The following HTR3B variants were observed in gnomAD, a reference collection of about 807,000 sequenced individuals.
HTR3B encodes the protein 5-hydroxytryptamine (serotonin) receptor 3B, ionotropic.
Under a neutral mutation model 42.8 loss-of-function variants are expected in HTR3B, and 44 were observed. The ratio of observed to expected loss-of-function variants is 1.03; its 90% CI spans 0.81 to 1.32. The LOEUF is 1.32. Among genes scored for constraint, HTR3B ranks in the 40% most tolerant of loss-of-function variants. HTR3B has a pLI of 0.00. For missense variants in HTR3B, 527 were observed against 536.5 expected (o/e 0.98, Z 0.17); for synonymous variants, 203 against 209.0 (o/e 0.97, Z 0.25).
intron 6 of HTR3B, among the ~76,000 whole-genome samples, chr11:113,942,328 G>A (rs942243747): frequency 6.6e-6 from 1 of 152,188 alleles, no homozygotes; most frequent in Non-Finnish European, 1.5e-5. Flanking sequence ...GCCGGGCATG[G>A]TGGCACTCAC....
chr11:113,914,451 C>T (rs912239205), intron 2 of HTR3B, among the ~76,000 whole-genome samples: 26 of 150,184 alleles, frequency 1.7e-4, no homozygotes, highest in African/African-American at 2.9e-4. Flanking sequence ...GCAACAAGAG[C>T]GATACTCCAA....
intron 5 of HTR3B, 73 bp from the exon 6 acceptor site, chr11:113,932,863 G>T: frequency 1.3e-6 from 2 of 1,492,576 alleles, no homozygotes; most frequent in Non-Finnish European, 9.2e-7. Flanking sequence ...GATTCGAATT[G>T]GGAGCTGGAA....
intron 5 of HTR3B, 114 bp from the exon 6 acceptor site, chr11:113,932,822 C>A: frequency 9.8e-7 from 1 of 1,017,824 alleles, no homozygotes; most frequent in South Asian, 1.5e-5. Flanking sequence ...GCCAAGGAGA[C>A]TGTGCCTATG....
chr11:113,914,296 C>T (rs1189432054), intron 2 of HTR3B, among the ~76,000 whole-genome samples: 1 of 151,428 alleles, frequency 6.6e-6, no homozygotes, highest in Non-Finnish European at 1.5e-5. Context: ...GAAACCCCGT[C>T]TCTACTAAAA....
At position 113,947,497 on chromosome 11, in the gene HTR3B, C is replaced by A. The variant is rs563653729; in HGVS notation, c.*1360C>A. On this transcript the variant is annotated 3_prime_UTR_variant, in exon 9 of 9. Transcript: ENST00000260191. ...TTCTCACCAGTCTGGAAGCTAGAAG[C>A]CTAAGATCAAGGTGCAAACAGGGTG... 1.3e-5 allele frequency among the ~76,000 whole-genome samples: 2 copies of A among 152,194 alleles called. No individual in the cohort carries two copies. Among genetic ancestry groups the A allele is most frequent in the South Asian group, 4.1e-4 (2 of 4,830 alleles).
intron 2 of HTR3B, among the ~76,000 whole-genome samples, chr11:113,910,365 C>A (rs1003343202): frequency 1.1e-4 from 17 of 151,880 alleles, no homozygotes; most frequent in African/African-American, 4.1e-4. Flanking sequence ...TGGTTAGAAC[C>A]TCTTCCTCTT....
upstream of HTR3B, among the ~76,000 whole-genome samples, chr11:113,902,931 C>G (rs2137477534): frequency 6.6e-6 from 1 of 152,226 alleles, no homozygotes; most frequent in East Asian, 1.9e-4. Flanking sequence ...TGCAGTGGCA[C>G]AATCACAGCT....
intron 6 of HTR3B, among the ~76,000 whole-genome samples, chr11:113,938,060 C>T (rs1398152449): frequency 6.6e-6 from 1 of 152,112 alleles, no homozygotes; most frequent in East Asian, 1.9e-4. Flanking sequence ...TTCACATGGC[C>T]TTCTCCTTGT....
At chr11:113,902,451 C>T (rs141380344), upstream of HTR3B, among the ~76,000 whole-genome samples, 134 of 152,178 alleles carry the variant, frequency 8.8e-4, no homozygotes, top group African/African-American at 3.0e-3. Context: ...CATGTGCCAC[C>T]GTGCCGGGCT....
chr11:113,919,777 G>A (rs1591575066), intron 2 of HTR3B, among the ~76,000 whole-genome samples: 1 of 151,658 alleles, frequency 6.6e-6, no homozygotes, highest in Non-Finnish European at 1.5e-5. Flanking sequence ...GCGGTGAGCC[G>A]AGATTGCACC....
chr11:113,916,506 T>C (rs2137497739), intron 2 of HTR3B, among the ~76,000 whole-genome samples: 1 of 152,336 alleles, frequency 6.6e-6, no homozygotes, highest in South Asian at 2.1e-4. Flanking sequence ...CGTTCTTCTT[T>C]TTAAAAATTG....
chr11:113,918,268 C>CGTGTGTGT (rs60519849), intron 2 of HTR3B, among the ~76,000 whole-genome samples: 1,961 of 146,960 alleles, frequency 0.013, 35 homozygotes, highest in African/African-American at 0.041. Flanking sequence ...TGTGTGTACT[C>CGTGTGTGT]GTGTGTGTGT....
chr11:113,904,396 C>T (rs921919244), upstream of HTR3B, among the ~76,000 whole-genome samples: 1 of 152,172 alleles, frequency 6.6e-6, no homozygotes. Flanking sequence ...TGCAGTTGTT[C>T]TTCATTAGAC....
rs1037984259 is a variant in HTR3B at position 113,946,332 on chromosome 11, CTCTACCAGTAA to C, written c.*196_*206del. The C allele has an allele frequency of 2.5e-5, 11 of 440,750 alleles. No homozygotes were observed. Among genetic ancestry groups the C allele is most frequent in the African/African-American group, 2.3e-4 (11 of 48,320 alleles). The allele number at this position is 440,750 out of a possible 1,614,324, so 27.3% of individuals were successfully genotyped here. ...CCAGAGCAACATAGTGAGACCACAT[CTCTACCAGTAA>C]ATAAATAAATAAATAAATAAATAAA... On this transcript the variant is annotated 3_prime_UTR_variant, in exon 9 of 9. Transcript: ENST00000260191.
chr11:113,940,991 G>A (rs1244046406), intron 6 of HTR3B, among the ~76,000 whole-genome samples: 1 of 152,192 alleles, frequency 6.6e-6, no homozygotes, highest in Non-Finnish European at 1.5e-5. Context: ...TCCCAGCTCT[G>A]TCTCTTACTC....
intron 2 of HTR3B, among the ~76,000 whole-genome samples, chr11:113,915,017 T>TA (rs1949837358): frequency 6.6e-6 from 1 of 152,202 alleles, no homozygotes. Context: ...TTTATTGACT[T>TA]AGTTGTTCAT....
chr11:113,913,767 G>C (rs1021585542), intron 2 of HTR3B, among the ~76,000 whole-genome samples: 2 of 152,050 alleles, frequency 1.3e-5, no homozygotes, highest in Admixed American at 6.6e-5. Context: ...CACCTGCCTC[G>C]GTCTGCCAAA....
intron 2 of HTR3B, among the ~76,000 whole-genome samples, chr11:113,914,440 G>A (rs1297389979): frequency 1.3e-5 from 2 of 151,302 alleles, no homozygotes; most frequent in Non-Finnish European, 1.5e-5. Flanking sequence ...CTCCAGCCTA[G>A]GCAACAAGAG....
chr11:113,929,854 G>A (rs751009133), intron 2 of HTR3B, among the ~76,000 whole-genome samples: 73 of 151,982 alleles, frequency 4.8e-4, no homozygotes, highest in Non-Finnish European at 7.8e-4. Context: ...TGCCTCAGCC[G>A]CCCGAGTAGC....
Sources: gnomAD v4.1 joint callset for allele counts (sites outside exome capture counted in the v4.1 genomes callset) on GRCh38, gnomAD v4.1.1 for gene constraint, MANE v1.5 for transcripts, NCBI Gene and HGNC (gene_info 2026-07-23, HGNC 2026-07-21) for gene names.